Variants in RABEPK observed in about 807,000 individuals in gnomAD.
RABEPK encodes 40 kDa Rab9 effector protein.
RABEPK carries 27 observed loss-of-function variants against 34.1 expected under a neutral mutation model. The observed-to-expected ratio is 0.79, with a 90% CI of 0.58 to 1.09. The LOEUF is 1.09. Ranked by LOEUF, RABEPK falls within the 50% of genes least tolerant of loss-of-function variation. RABEPK has a pLI of 0.00. For missense variants in RABEPK, 449 were observed against 462.6 expected, an observed-to-expected ratio of 0.97 and a Z score of 0.27; for synonymous variants, 172 against 169.2, an observed-to-expected ratio of 1.02 and a Z score of -0.13.
chr9:125,216,584 T>C (rs532945535), intron 4 of RABEPK, among the ~76,000 whole-genome samples: 1 of 152,266 alleles, frequency 6.6e-6, no homozygotes, highest in Admixed American at 6.5e-5. Flanking sequence ...TCCTCTTCCA[T>C]GCCCTCCCTC....
intron 5 of RABEPK, among the ~76,000 whole-genome samples, chr9:125,222,752 CTA>C (rs1831442148): frequency 1.4e-5 from 2 of 145,976 alleles, no homozygotes; most frequent in African/African-American, 2.5e-5. Context: ...AGAGATAATT[CTA>C]TATGTTACAT....
intron 2 of RABEPK, among the ~76,000 whole-genome samples, chr9:125,203,535 G>A (rs987197699): frequency 1.3e-5 from 2 of 152,296 alleles, no homozygotes; most frequent in Non-Finnish European, 2.9e-5. Context: ...AGACTAAGCA[G>A]GTGATGGTGA....
rs776549938 is a variant in RABEPK at position 125,208,857 on chromosome 9, A to G, written c.211+1136A>G. Among the ~76,000 whole-genome samples the G allele has an allele frequency of 2.2e-4, 33 of 151,628 alleles. 1 individual carries two copies. The highest frequency in any genetic ancestry group is 2.8e-4 in the Non-Finnish European group (19 of 67,888). On this transcript the variant is annotated intron_variant, in intron 3 of 7. Coordinates refer to ENST00000373538, the MANE Select transcript of RABEPK (RefSeq NM_005833.4). ...GCCTACATATCTCTTATCTTTATCC[A>G]TGTCTGTCCATTTCCACTACTACTA... is the stretch of plus-strand genomic sequence containing the variant.
chr9:125,228,531 T>G (rs904134968), intron 6 of RABEPK, among the ~76,000 whole-genome samples: 5 of 150,964 alleles, frequency 3.3e-5, no homozygotes, highest in Non-Finnish European at 5.9e-5. Context: ...ATGGCACATG[T>G]GCCTGTAATC....
At chr9:125,209,262 T>C (rs1249294335) in intron 3 of RABEPK, among the ~76,000 whole-genome samples, 8 of 151,460 alleles carry the variant, frequency 5.3e-5, no homozygotes, top group Admixed American at 2.6e-4. Flanking sequence ...GGTTTCACGA[T>C]GTTGATCAGG....
intron 1 of RABEPK, among the ~76,000 whole-genome samples, chr9:125,202,333 C>T (rs994939115): frequency 2.0e-5 from 3 of 150,520 alleles, no homozygotes; most frequent in Non-Finnish European, 4.4e-5. Flanking sequence ...CCAGCCTGGC[C>T]AGTGTGGTAA....
chr9:125,216,770 G>A (rs1830954541), intron 4 of RABEPK, among the ~76,000 whole-genome samples: 1 of 152,074 alleles, frequency 6.6e-6, no homozygotes, highest in South Asian at 2.1e-4. Context: ...AGACCAGCCT[G>A]GCCAACATAC....
rs895371193 is a variant in RABEPK, at chr9:125,221,018, G to A, written c.526+318G>A. 22 of 201,346 alleles carry A rather than the reference G, an allele frequency of 1.1e-4. No homozygotes were observed. The South Asian group carries it at 1.4e-3, about 13-fold the overall frequency. 12.5% of individuals were successfully genotyped at this position (201,346 alleles called of 1,614,324 possible). The stretch of plus-strand genomic sequence containing the variant: ...TCTACTAAAAACACAAAAATTATCC[G>A]GGCATGATGGTATGCACCTGTAATC... On this transcript the variant is annotated intron_variant, in intron 5 of 7. Coordinates refer to ENST00000373538, the MANE Select transcript of RABEPK (RefSeq NM_005833.4).
At chr9:125,213,281 TG>T in intron 3 of RABEPK, 88 bp from the exon 4 acceptor site, 2 of 1,306,750 alleles carry the variant, frequency 1.5e-6, no homozygotes, top group Non-Finnish European at 2.1e-6. Flanking sequence ...TTTATGTTTA[TG>T]GCCCTCTTCT....
intron 4 of RABEPK, among the ~76,000 whole-genome samples, chr9:125,219,488 G>C (rs979215348): frequency 6.6e-6 from 1 of 151,924 alleles, no homozygotes; most frequent in Non-Finnish European, 1.5e-5. Flanking sequence ...TCCGCCTCCT[G>C]GTTCAAGTGA....
chr9:125,203,332 G>A (rs1034683861), intron 2 of RABEPK, among the ~76,000 whole-genome samples: 2 of 152,290 alleles, frequency 1.3e-5, no homozygotes, highest in Non-Finnish European at 2.9e-5. Flanking sequence ...CTCCAATGCT[G>A]TGTCTTCCCC....
intron 7 of RABEPK, 42 bp from the exon 8 acceptor site, chr9:125,233,646 T>C (rs2131446241): frequency 6.3e-7 from 1 of 1,586,294 alleles, no homozygotes. Flanking sequence ...CCGGCCTATC[T>C]GGAAATTTCT....
intron 5 of RABEPK, among the ~76,000 whole-genome samples, chr9:125,225,729 G>A (rs774969169): frequency 4.6e-5 from 7 of 152,040 alleles, no homozygotes; most frequent in Non-Finnish European, 8.8e-5. Context: ...GGGAGGCCGA[G>A]GCGGGCAGAT....
At chr9:125,202,682 T>C (rs1036591161) in intron 1 of RABEPK, among the ~76,000 whole-genome samples, 1 of 151,264 alleles carries the variant, frequency 6.6e-6, no homozygotes, top group Non-Finnish European at 1.5e-5. Flanking sequence ...ATAGAAAAAT[T>C]AGCTGGGCGT....
chr9:125,226,919 C>T (rs947023139), intron 5 of RABEPK, among the ~76,000 whole-genome samples: 1 of 150,446 alleles, frequency 6.6e-6, no homozygotes, highest in East Asian at 2.0e-4. Flanking sequence ...CCTGTAATCC[C>T]AGCACTTTGG....
intron 1 of RABEPK, among the ~76,000 whole-genome samples, chr9:125,201,949 G>A (rs930262471): frequency 2.3e-4 from 34 of 150,920 alleles, no homozygotes; most frequent in African/African-American, 6.1e-4. Context: ...ATAAATGGCC[G>A]GGCTCAGTGG....
chr9:125,201,499 G>A (rs936853155), intron 1 of RABEPK, among the ~76,000 whole-genome samples: 2 of 152,162 alleles, frequency 1.3e-5, no homozygotes, highest in Non-Finnish European at 1.5e-5. Context: ...TCCTTTGAGC[G>A]GAGAGCAGTG....
intron 4 of RABEPK, among the ~76,000 whole-genome samples, chr9:125,216,636 T>C (rs2131394481): frequency 6.6e-6 from 1 of 152,176 alleles, no homozygotes; most frequent in East Asian, 1.9e-4. Context: ...TTGTTTATTG[T>C]TGAATACTCA....
chr9:125,219,941 A>C (rs982500181), intron 4 of RABEPK, among the ~76,000 whole-genome samples: 1 of 152,064 alleles, frequency 6.6e-6, no homozygotes, highest in Non-Finnish European at 1.5e-5. Flanking sequence ...ATAGTGAGCA[A>C]AGTAGAAGAG....
Sources: allele counts gnomAD v4.1 joint callset (sites outside exome capture counted in the v4.1 genomes callset), GRCh38; gene constraint gnomAD v4.1.1; transcripts MANE v1.5; gene names NCBI Gene and HGNC (gene_info 2026-07-23, HGNC 2026-07-21).